Variants in DHRS7C observed in about 807,000 individuals in gnomAD.
The protein encoded by DHRS7C is dehydrogenase/reductase SDR family member 7C.
A neutral mutation model predicts 29.6 loss-of-function variants in DHRS7C; 28 were observed. The observed-to-expected ratio is 0.95, with a 90% CI of 0.70 to 1.30. DHRS7C has a LOEUF of 1.30. DHRS7C is among the 50% of genes most tolerant of loss of function. The pLI is 0.00. For synonymous variants in DHRS7C, 158 were observed against 160.2 expected (o/e 0.99, Z 0.10); for missense variants, 403 against 393.3 (o/e 1.02, Z -0.21).
In DHRS7C at chr17:9,775,369, C is replaced by T. The variant is rs922248488; in HGVS notation, c.571+1824G>A. On this transcript the variant is annotated intron_variant, in intron 4 of 5. Coordinates refer to ENST00000571134, the MANE Select transcript of DHRS7C (RefSeq NM_001105571.3). This position sits in a 1 kb window ranked among gnomAD's most constrained non-coding sequence, Gnocchi z 4.2. ...GGACTGCACTTCCCAGCGTCCCTTG[C>T]ACTTAGGTGCGACTGAGTTCTCCCA... 1.3e-5 allele frequency among the ~76,000 whole-genome samples: 2 copies of T among 152,180 alleles called. No homozygotes were observed. Among genetic ancestry groups the T allele is most frequent in the South Asian group, 2.1e-4 (1 of 4,832 alleles).
chr17:9,782,014 C>A (rs11657431), intron 1 of DHRS7C, among the ~76,000 whole-genome samples: 18,277 of 152,224 alleles, frequency 0.12, 1,465 homozygotes, highest in Non-Finnish European at 0.19. Flanking sequence ...GGGATAGACA[C>A]CTCAGCCAGG....
At chr17:9,785,761 A>G (rs967251183) in intron 1 of DHRS7C, among the ~76,000 whole-genome samples, 1 of 152,160 alleles carries the variant, frequency 6.6e-6, no homozygotes, top group Admixed American at 6.5e-5. Flanking sequence ...ATGGACCTTG[A>G]AGCCATCTTA....
rs759532771 is a variant in DHRS7C at position 9,772,821 on chromosome 17, G to A, written c.673C>T (p.Arg225Trp). The part of the protein sequence containing the change: ...VISTVSPTFI[R>W]SYHVYPEQGN... Reference sequence around the variant, plus strand: ...TGCTCTGGATACACGTGGTACGACCGGATGAAAGTCGGGCTCACGGTGCTG... The same window carrying A: ...TGCTCTGGATACACGTGGTACGACCAGATGAAAGTCGGGCTCACGGTGCTG... Residue 225 changes from arginine (R) to tryptophan (W), a missense_variant, in exon 5 of 6, where the codon CGG (arginine) becomes TGG (tryptophan). Physicochemically the swap from Arg to Trp is moderately radical, Grantham distance 101. Coordinates refer to ENST00000571134, the MANE Select transcript of DHRS7C (RefSeq NM_001105571.3). 1.1e-5 allele frequency: 17 copies of A among 1,613,960 alleles called. No individual in the cohort carries two copies. The highest frequency in any genetic ancestry group is 4.5e-5 in the East Asian group (2 of 44,870).
In DHRS7C at chr17:9,789,685, C is replaced by T. The variant is rs543981232; in HGVS notation, c.154+1446G>A. Among the ~76,000 whole-genome samples, 28 of 152,274 alleles carry T rather than the reference C, an allele frequency of 1.8e-4. No individual in the cohort carries two copies. The South Asian group carries it at 2.5e-3, about 14-fold the overall frequency. ...CCAGGGTAGAGGCCGTATCAGGGAT[C>T]GCATGTTAGCAGCCTGGTGCAATGC... On this transcript the variant is annotated intron_variant, in intron 1 of 5. Coordinates refer to ENST00000571134, the MANE Select transcript of DHRS7C (RefSeq NM_001105571.3).
At chr17:9,777,767 T>C (rs2066370785) in intron 3 of DHRS7C, among the ~76,000 whole-genome samples, 1 of 152,136 alleles carries the variant, frequency 6.6e-6, no homozygotes, top group Admixed American at 6.5e-5. Context: ...ACAGTGGTTC[T>C]AGTGTGTCTT....
chr17:9,784,354 C>T (rs1036854729), intron 1 of DHRS7C, among the ~76,000 whole-genome samples: 2 of 152,106 alleles, frequency 1.3e-5, no homozygotes, highest in African/African-American at 4.8e-5. Context: ...TGCCTGTAGT[C>T]CCAGCTACTT....
chr17:9,790,339 T>C (rs189747876), intron 1 of DHRS7C, among the ~76,000 whole-genome samples: 5 of 152,272 alleles, frequency 3.3e-5, no homozygotes, highest in Admixed American at 3.3e-4. Context: ...TGTACTACCA[T>C]TGTCTGGAAG....
chr17:9,776,035 C>G (rs916548323), intron 4 of DHRS7C, among the ~76,000 whole-genome samples: 28 of 152,118 alleles, frequency 1.8e-4, no homozygotes, highest in Non-Finnish European at 3.2e-4. Flanking sequence ...AACCCCGTCC[C>G]TACTAAAAAA....
At chr17:9,773,205 TG>T (rs2066341766) in intron 4 of DHRS7C, among the ~76,000 whole-genome samples, 1 of 152,074 alleles carries the variant, frequency 6.6e-6, no homozygotes, top group Non-Finnish European at 1.5e-5. Flanking sequence ...ATCTTTAAAA[TG>T]GGGGCGCTAT....
In DHRS7C at chr17:9,777,216, A is replaced by G. The variant is rs2066367263; in HGVS notation, c.548T>C (p.Phe183Ser). 7.4e-6 allele frequency: 12 copies of G among 1,613,720 alleles called. No homozygotes were observed. Among genetic ancestry groups the G allele is most frequent in the Non-Finnish European group, 1.0e-5 (12 of 1,179,790 alleles). ...IVLVNNIQGK[F>S]GIPFRTTYAA... Reference sequence around the variant, plus strand: ...ACAAGTCGTACGGAACGGGATTCCAAACTTCCCTTGGATATTATTCACTAA... The same window carrying G: ...ACAAGTCGTACGGAACGGGATTCCAGACTTCCCTTGGATATTATTCACTAA... Residue 183 changes from phenylalanine to serine, a missense_variant, in exon 4 of 6, where the codon TTT becomes TCT. By Grantham distance (155) the Phe-to-Ser change is radical (BLOSUM62 -2). Transcript: ENST00000571134.
intron 4 of DHRS7C, among the ~76,000 whole-genome samples, chr17:9,773,719 C>CTTTTTTTTTTTTT (rs757682123): frequency 3.6e-4 from 31 of 86,004 alleles, no homozygotes; most frequent in Non-Finnish European, 5.5e-4. Context: ...GCAATGAGGC[C>CTTTTTTTTTTTTT]TTTTTTTTTT....
At chr17:9,779,802 T>C in intron 3 of DHRS7C, 23 bp downstream of exon 3, 3 of 1,600,888 alleles carry the variant, frequency 1.9e-6, no homozygotes, top group South Asian at 1.1e-5. Context: ...CAGATACCCA[T>C]GGGAAAGTCA....
intron 1 of DHRS7C, among the ~76,000 whole-genome samples, chr17:9,788,333 A>G (rs1317780219): frequency 6.6e-6 from 1 of 152,078 alleles, no homozygotes; most frequent in Non-Finnish European, 1.5e-5. Flanking sequence ...CAGCCTCCCA[A>G]GTAGCTGGGA....
Position 9,771,705 on chromosome 17 carries a change from C to T in DHRS7C, c.728-9G>A. The T allele has an allele frequency of 6.9e-7, 1 of 1,457,934 alleles. No individual in the cohort carries two copies. Among genetic ancestry groups the T allele is most frequent in the African/African-American group, 1.4e-5 (1 of 70,270 alleles). 90.3% of individuals were successfully genotyped at this position (1,457,934 alleles called of 1,614,324 possible). ...CAGCTTCCTGAAAAAGACTGAAAGG[C>T]CCCAGTTGGGGGCGGGGGTTATGAC... On this transcript the variant is annotated splice_polypyrimidine_tract_variant and intron_variant, in intron 5 of 5. Transcript: ENST00000571134.
intron 4 of DHRS7C, among the ~76,000 whole-genome samples, chr17:9,773,673 C>A (rs2066344658): frequency 1.3e-5 from 2 of 151,332 alleles, no homozygotes; most frequent in Non-Finnish European, 2.9e-5. Flanking sequence ...TTTCCTGGTT[C>A]CCCTGACATC....
intron 1 of DHRS7C, among the ~76,000 whole-genome samples, chr17:9,789,897 C>T (rs988831546): frequency 6.6e-5 from 10 of 152,094 alleles, no homozygotes; most frequent in African/African-American, 1.2e-4. Flanking sequence ...TTGTGTACCT[C>T]GCTCCCTTTT....
At chr17:9,781,656 C>T (rs2066394030) in intron 1 of DHRS7C, 62 bp from the exon 2 acceptor site, 6 of 1,535,886 alleles carry the variant, frequency 3.9e-6, no homozygotes, top group African/African-American at 1.4e-5. Flanking sequence ...GACAGTGAAC[C>T]CCCTCTCTTG....
At chr17:9,778,017 G>A (rs1247969741) in intron 3 of DHRS7C, among the ~76,000 whole-genome samples, 1 of 152,096 alleles carries the variant, frequency 6.6e-6, no homozygotes, top group Non-Finnish European at 1.5e-5. Context: ...GCGGAATGGG[G>A]ATATGGCAAA....
chr17:9,771,783 G>A (rs141700404), intron 5 of DHRS7C, 87 bp from the exon 6 acceptor site: 5 of 1,252,580 alleles, frequency 4.0e-6, no homozygotes, highest in South Asian at 5.1e-5. Flanking sequence ...AGGCTGAGGG[G>A]CGGGAAGCGT....
Sources: allele counts gnomAD v4.1 joint callset (sites outside exome capture counted in the v4.1 genomes callset), GRCh38; gene constraint gnomAD v4.1.1; non-coding constraint Gnocchi (gnomAD v3.1); transcripts MANE v1.5; gene names NCBI Gene and HGNC (gene_info 2026-07-23, HGNC 2026-07-21).